Variants in TRABD2B observed in about 807,000 individuals in gnomAD.
TRABD2B encodes metalloprotease TIKI2.
Under a neutral mutation model 40.1 loss-of-function variants are expected in TRABD2B, and 14 were observed. The observed-to-expected ratio is 0.35, with a 90% CI of 0.23 to 0.55. TRABD2B has a LOEUF of 0.55. Ranked by LOEUF, TRABD2B falls within the 20% of genes least tolerant of loss-of-function variation. The pLI is 0.90. For synonymous variants in TRABD2B, 263 were observed against 277.0 expected, an observed-to-expected ratio of 0.95 and a Z score of 0.50; for missense variants, 541 against 648.6, an observed-to-expected ratio of 0.83 and a Z score of 1.80.
chr1:47,861,447 G>A (rs1286483708), intron 2 of TRABD2B, among the ~76,000 whole-genome samples: 1 of 152,040 alleles, frequency 6.6e-6, no homozygotes, highest in Non-Finnish European at 1.5e-5. Flanking sequence ...AGAAATAAAG[G>A]AGGGTACTTC....
chr1:47,884,438 A>G (rs1644344719), intron 2 of TRABD2B, among the ~76,000 whole-genome samples: 2 of 152,138 alleles, frequency 1.3e-5, no homozygotes, highest in South Asian at 4.1e-4. Context: ...TGCTTGTTCC[A>G]GCTGCACACC....
chr1:47,775,462 G>A, intron 5 of TRABD2B, 23 bp from the exon 6 acceptor site: 1 of 1,234,288 alleles, frequency 8.1e-7, no homozygotes, highest in Non-Finnish European at 1.0e-6. Flanking sequence ...AATGGCACAT[G>A]GGGCACATGT....
At chr1:47,883,990 C>T (rs530327268) in intron 2 of TRABD2B, among the ~76,000 whole-genome samples, 15 of 152,300 alleles carry the variant, frequency 9.8e-5, no homozygotes, top group South Asian at 8.3e-4. Context: ...TTGTGCTTGA[C>T]CCCCAGGGGA....
At chr1:47,846,992 G>A (rs1002943969) in intron 2 of TRABD2B, among the ~76,000 whole-genome samples, 1 of 152,150 alleles carries the variant, frequency 6.6e-6, no homozygotes, top group South Asian at 2.1e-4. Context: ...AGGATGGAGA[G>A]GGGTAGATTT....
At chr1:47,930,424 C>A (rs1388502819) in intron 2 of TRABD2B, among the ~76,000 whole-genome samples, 1 of 152,128 alleles carries the variant, frequency 6.6e-6, no homozygotes, top group Non-Finnish European at 1.5e-5. Context: ...TACTCCTCAG[C>A]GCCACATCCT....
intron 2 of TRABD2B, among the ~76,000 whole-genome samples, chr1:47,826,067 G>A (rs1463721804): frequency 1.3e-5 from 2 of 152,206 alleles, no homozygotes; most frequent in Non-Finnish European, 2.9e-5. Flanking sequence ...TTTACCCAAT[G>A]GCAGTTGGGC....
chr1:47,896,539 A>G (rs1401173009), intron 2 of TRABD2B, among the ~76,000 whole-genome samples: 1 of 152,202 alleles, frequency 6.6e-6, no homozygotes, highest in Non-Finnish European at 1.5e-5. Context: ...GGCCTCAGAT[A>G]TTAGGATCTG....
At chr1:47,807,672 C>T (rs1293793453) in intron 2 of TRABD2B, among the ~76,000 whole-genome samples, 1 of 151,980 alleles carries the variant, frequency 6.6e-6, no homozygotes, top group Non-Finnish European at 1.5e-5. Context: ...AATATCTTTG[C>T]TTTCTTCCCT....
At chr1:47,821,079 TCCCTGCAACATGAG>T (rs769386795) in intron 2 of TRABD2B, among the ~76,000 whole-genome samples, 2 of 152,110 alleles carry the variant, frequency 1.3e-5, no homozygotes, top group Non-Finnish European at 2.9e-5. Context: ...TGCAGACCGC[TCCCTGCAACATGAG>T]CACAGGCTCT....
intron 2 of TRABD2B, among the ~76,000 whole-genome samples, chr1:47,891,046 AAT>A (rs1644438041): frequency 6.6e-6 from 1 of 152,218 alleles, no homozygotes; most frequent in Admixed American, 6.5e-5. Context: ...GCTGAGTTCC[AAT>A]CCCGGCTCAC....
intron 2 of TRABD2B, among the ~76,000 whole-genome samples, chr1:47,954,291 G>C (rs1645387121): frequency 6.6e-6 from 1 of 152,082 alleles, no homozygotes; most frequent in Non-Finnish European, 1.5e-5. Context: ...GAACACCCAG[G>C]GGCTTTTCCA....
At chr1:47,812,618 C>T (rs1190639677) in intron 2 of TRABD2B, among the ~76,000 whole-genome samples, 1 of 152,092 alleles carries the variant, frequency 6.6e-6, no homozygotes, top group Non-Finnish European at 1.5e-5. Flanking sequence ...ACGCAGCAGG[C>T]TAAGGTGAGA....
At chr1:47,793,823 G>A (rs994738221) in intron 4 of TRABD2B, among the ~76,000 whole-genome samples, 1 of 152,132 alleles carries the variant, frequency 6.6e-6, no homozygotes, top group East Asian at 1.9e-4. Flanking sequence ...AAAATGAAAG[G>A]CAAAGGAACA....
At chr1:47,981,739 A>G (rs923769626) in intron 2 of TRABD2B, among the ~76,000 whole-genome samples, 1 of 152,250 alleles carries the variant, frequency 6.6e-6, no homozygotes, top group Non-Finnish European at 1.5e-5. Context: ...TTAATTATTT[A>G]TGGGGAATTT....
At chr1:47,783,217 G>A (rs1160272805) in intron 4 of TRABD2B, among the ~76,000 whole-genome samples, 1 of 152,046 alleles carries the variant, frequency 6.6e-6, no homozygotes, top group Non-Finnish European at 1.5e-5. Flanking sequence ...GGGGCCCAGA[G>A]ACAGGCAGTA....
At chr1:47,906,829 C>T (rs758126006) in intron 2 of TRABD2B, among the ~76,000 whole-genome samples, 2 of 152,232 alleles carry the variant, frequency 1.3e-5, no homozygotes, top group Non-Finnish European at 1.5e-5. Context: ...AAACACAAGT[C>T]CTTTGGCCTG....
intron 2 of TRABD2B, among the ~76,000 whole-genome samples, chr1:47,939,084 C>T (rs189338173): frequency 6.6e-5 from 10 of 152,074 alleles, no homozygotes; most frequent in Non-Finnish European, 1.0e-4. Context: ...AGGAAGAGAA[C>T]GAGGATCACG....
intron 2 of TRABD2B, among the ~76,000 whole-genome samples, chr1:47,828,124 G>C (rs1384451353): frequency 1.3e-5 from 2 of 152,150 alleles, no homozygotes. Context: ...GGAGCATAAG[G>C]GCTCAGTCCA....
At position 47,996,762 on chromosome 1, in the gene TRABD2B, G is replaced by C. The variant is rs984453913; in HGVS notation, c.28C>G (p.Leu10Val). The C allele has an allele frequency of 2.5e-6, 3 of 1,217,642 alleles. No individual in the cohort carries two copies. Among genetic ancestry groups the C allele is most frequent in the Admixed American group, 8.7e-5 (2 of 23,110 alleles). 75.4% of individuals were successfully genotyped at this position (1,217,642 alleles called of 1,614,324 possible). ...CGAGCGGTGGCGAGGAGGGCGGCGAGCAGCGGCCCCGCCAGGGCGGCGTGC... is the reference window on the plus strand; with the variant it reads ...CGAGCGGTGGCGAGGAGGGCGGCGACCAGCGGCCCCGCCAGGGCGGCGTGC... Reference protein sequence around the residue: MHAALAGPLLAALLATARAR... With the variant: MHAALAGPLVAALLATARAR... The change falls in exon 1 of 7, where the codon CTC (leucine) becomes GTC (valine). Residue 10 changes from leucine (L) to valine (V), a missense_variant. Transcript: ENST00000606738. This position sits in a 1 kb window ranked among gnomAD's most constrained non-coding sequence, Gnocchi z 4.6.
Sources: allele counts gnomAD v4.1 joint callset (sites outside exome capture counted in the v4.1 genomes callset), GRCh38; gene constraint gnomAD v4.1.1; non-coding constraint Gnocchi (gnomAD v3.1); transcripts MANE v1.5; gene names NCBI Gene and HGNC (gene_info 2026-07-23, HGNC 2026-07-21).